PPP3CC: variants seen among roughly 807,000 people sequenced by gnomAD.
PPP3CC encodes the protein protein phosphatase 3 catalytic subunit gamma.
In PPP3CC, 35 loss-of-function variants were observed where a neutral mutation model predicts 60.3. The ratio of observed to expected loss-of-function variants is 0.58; its 90% CI spans 0.44 to 0.77. PPP3CC has a LOEUF of 0.77. Ranked by LOEUF, PPP3CC falls within the 30% of genes least tolerant of loss-of-function variation. The pLI is 0.00. For missense variants in PPP3CC, 570 were observed against 628.9 expected, an observed-to-expected ratio of 0.91 and a Z score of 1.00; for synonymous variants, 206 against 224.3, an observed-to-expected ratio of 0.92 and a Z score of 0.73.
At chr8:22,450,302 T>A (rs1437530347) in intron 1 of PPP3CC, among the ~76,000 whole-genome samples, 1 of 152,070 alleles carries the variant, frequency 6.6e-6, no homozygotes, top group Non-Finnish European at 1.5e-5. Flanking sequence ...ATTGAAGAGA[T>A]TGAAGTGAAA....
rs561987755 is a variant in PPP3CC, at chr8:22,517,720, T to G, written c.770+4288T>G. ...CTATTGTAATGTCTCCTCTTTCATT[T>G]TTTGTTTTATTTATTTGAGTATCTC... On this transcript the variant is annotated intron_variant, in intron 6 of 13. Coordinates refer to ENST00000240139, the MANE Select transcript of PPP3CC (RefSeq NM_005605.5). 2.0e-5 allele frequency among the ~76,000 whole-genome samples: 3 copies of G among 152,278 alleles called. No individual in the cohort carries two copies. The East Asian group carries it at 5.8e-4, about 29-fold the overall frequency.
At chr8:22,477,554 C>T (rs1372334778) in intron 3 of PPP3CC, among the ~76,000 whole-genome samples, 2 of 151,704 alleles carry the variant, frequency 1.3e-5, no homozygotes, top group Non-Finnish European at 2.9e-5. Flanking sequence ...TGTGTTTTTG[C>T]TAGCATGAGA....
intron 4 of PPP3CC, among the ~76,000 whole-genome samples, chr8:22,501,478 C>T (rs1045057856): frequency 2.0e-5 from 3 of 152,164 alleles, no homozygotes; most frequent in African/African-American, 7.2e-5. Context: ...GGTCTTTATC[C>T]AAGGTCACTT....
intron 2 of PPP3CC, 93 bp from the exon 3 acceptor site, chr8:22,475,407 T>A: frequency 7.2e-7 from 1 of 1,383,472 alleles, no homozygotes; most frequent in Non-Finnish European, 9.9e-7. Flanking sequence ...TGGAGTGATT[T>A]AAGTTAGAAG....
At chr8:22,471,280 C>CTTT (rs557089522) in intron 1 of PPP3CC, among the ~76,000 whole-genome samples, 5 of 128,636 alleles carry the variant, frequency 3.9e-5, no homozygotes, top group East Asian at 2.2e-4. Flanking sequence ...CTTGATCATT[C>CTTT]TTTTTTTTTT....
intron 1 of PPP3CC, among the ~76,000 whole-genome samples, chr8:22,451,653 T>C (rs1215826967): frequency 6.6e-6 from 1 of 152,250 alleles, no homozygotes; most frequent in Non-Finnish European, 1.5e-5. Flanking sequence ...GGTTGTGATA[T>C]ATCTTTTCCA....
intron 6 of PPP3CC, among the ~76,000 whole-genome samples, chr8:22,520,256 A>G (rs1220131049): frequency 1.3e-5 from 2 of 151,684 alleles, no homozygotes; most frequent in African/African-American, 2.4e-5. Context: ...CTGCTTTCAG[A>G]TTTTTTCTTT....
At chr8:22,497,794 A>T (rs1285533131) in intron 3 of PPP3CC, among the ~76,000 whole-genome samples, 1 of 152,210 alleles carries the variant, frequency 6.6e-6, no homozygotes, top group Admixed American at 6.5e-5. Flanking sequence ...ATTTAGATAG[A>T]ACATGGGAAC....
At chr8:22,479,938 A>G (rs1359875802) in intron 3 of PPP3CC, among the ~76,000 whole-genome samples, 2 of 152,162 alleles carry the variant, frequency 1.3e-5, no homozygotes, top group Admixed American at 6.6e-5. Context: ...ACTTAATCTC[A>G]TGTAATCAAT....
At chr8:22,488,402 A>G (rs1838287149) in intron 3 of PPP3CC, among the ~76,000 whole-genome samples, 1 of 152,224 alleles carries the variant, frequency 6.6e-6, no homozygotes, top group South Asian at 2.1e-4. Flanking sequence ...TTCAGAACCT[A>G]TGCTTTAGAT....
chr8:22,470,786 A>T (rs1170060729), intron 1 of PPP3CC, among the ~76,000 whole-genome samples: 1 of 152,224 alleles, frequency 6.6e-6, no homozygotes, highest in South Asian at 2.1e-4. Flanking sequence ...GATATGAAGT[A>T]ACTGGAACCC....
intron 12 of PPP3CC, among the ~76,000 whole-genome samples, chr8:22,535,737 T>C (rs950891857): frequency 6.6e-6 from 1 of 152,184 alleles, no homozygotes; most frequent in Non-Finnish European, 1.5e-5. Context: ...AACCCATTTT[T>C]TTTCTTTTCT....
At chr8:22,458,220 G>A (rs1837265945) in intron 1 of PPP3CC, among the ~76,000 whole-genome samples, 1 of 152,154 alleles carries the variant, frequency 6.6e-6, no homozygotes. Context: ...TATAATTACT[G>A]CTCTAGTATT....
At chr8:22,528,043 G>A (rs1839606710) in intron 9 of PPP3CC, among the ~76,000 whole-genome samples, 1 of 152,214 alleles carries the variant, frequency 6.6e-6, no homozygotes, top group South Asian at 2.1e-4. Flanking sequence ...TGATCAAGAT[G>A]TTAAAATAAC....
intron 1 of PPP3CC, among the ~76,000 whole-genome samples, chr8:22,442,826 T>C (rs1836712357): frequency 6.6e-6 from 1 of 152,218 alleles, no homozygotes; most frequent in African/African-American, 2.4e-5. Context: ...GTGCTGTTAA[T>C]ATGGCCGGTG....
chr8:22,508,375 C>G (rs1838987775), intron 4 of PPP3CC, among the ~76,000 whole-genome samples: 1 of 151,964 alleles, frequency 6.6e-6, no homozygotes, highest in Admixed American at 6.6e-5. Flanking sequence ...TCAGTCTAAC[C>G]CCTCAGAAAA....
intron 4 of PPP3CC, among the ~76,000 whole-genome samples, chr8:22,502,828 A>G (rs1838800972): frequency 6.6e-6 from 1 of 152,176 alleles, no homozygotes; most frequent in Non-Finnish European, 1.5e-5. Flanking sequence ...AGAAGAAATC[A>G]TTAACAGTGG....
intron 1 of PPP3CC, among the ~76,000 whole-genome samples, chr8:22,473,315 A>C (rs990444844): frequency 1.3e-5 from 2 of 152,186 alleles, no homozygotes; most frequent in Non-Finnish European, 2.9e-5. Flanking sequence ...GTTATAAAGT[A>C]GGCACATAAC....
chr8:22,488,627 C>T (rs1427727419), intron 3 of PPP3CC, among the ~76,000 whole-genome samples: 2 of 152,200 alleles, frequency 1.3e-5, no homozygotes, highest in Non-Finnish European at 2.9e-5. Flanking sequence ...AAGTCCTTTA[C>T]TGTATTTTCT....
Sources: gnomAD v4.1 joint callset for allele counts (sites outside exome capture counted in the v4.1 genomes callset) on GRCh38, gnomAD v4.1.1 for gene constraint, MANE v1.5 for transcripts, NCBI Gene and HGNC (gene_info 2026-07-23, HGNC 2026-07-21) for gene names.